NDST3: variants seen among roughly 807,000 people sequenced by gnomAD.
NDST3 encodes the protein N-deacetylase and N-sulfotransferase 3.
NDST3 carries 58 observed loss-of-function variants against 96.1 expected under a neutral mutation model. That is an observed-to-expected ratio of 0.60 (90% CI 0.49 to 0.75). NDST3 has a LOEUF of 0.75. Among genes scored for constraint, NDST3 ranks in the 30% least tolerant of loss-of-function variants. The pLI is 0.00. For missense variants in NDST3, 788 were observed against 1,034.2 expected (o/e 0.76, Z 3.27); for synonymous variants, 333 against 359.7 (o/e 0.93, Z 0.84).
At chr4:118,121,401 A>T (rs571790144) in intron 4 of NDST3, among the ~76,000 whole-genome samples, 1 of 152,206 alleles carries the variant, frequency 6.6e-6, no homozygotes, top group East Asian at 1.9e-4. Flanking sequence ...TATTTTAAGT[A>T]TCTTGAACTC....
chr4:118,100,843 C>T (rs543622309), intron 2 of NDST3, among the ~76,000 whole-genome samples: 3 of 152,268 alleles, frequency 2.0e-5, no homozygotes, highest in Admixed American at 2.0e-4. Flanking sequence ...CTCTAGTATA[C>T]TAAGTATATC....
chr4:118,075,592 A>C (rs1727459390), intron 2 of NDST3, among the ~76,000 whole-genome samples: 1 of 152,152 alleles, frequency 6.6e-6, no homozygotes, highest in African/African-American at 2.4e-5. Context: ...TTGCCCTTCT[A>C]AGTGGTGTGA....
At position 118,219,603 on chromosome 4, in the gene NDST3, T is replaced by C. The variant is rs147579999; in HGVS notation, c.1540-4888T>C. ...AAACCCTAGAAGAAAACCTAGGCAA[T>C]ACCACTCAGGACACAGGCATGAGCA... On this transcript the variant is annotated intron_variant, in intron 6 of 13. Transcript: ENST00000296499. 6.3e-4 allele frequency among the ~76,000 whole-genome samples: 96 copies of C among 152,130 alleles called. 1 individual carries two copies. The highest frequency in any genetic ancestry group is 5.0e-3 in the Admixed American group (77 of 15,270).
At chr4:118,141,471 G>A (rs993490950) in intron 5 of NDST3, among the ~76,000 whole-genome samples, 5 of 152,200 alleles carry the variant, frequency 3.3e-5, no homozygotes, top group African/African-American at 1.2e-4. Flanking sequence ...CTCAGCAGGA[G>A]TAGTGCTCCT....
chr4:118,078,248 T>C lies in NDST3; in HGVS notation c.981+23357T>C, dbSNP rs180926170. Among the ~76,000 whole-genome samples the C allele has an allele frequency of 1.5e-3, 233 of 152,252 alleles. 1 individual carries two copies. The highest frequency in any genetic ancestry group is 5.1e-3 in the African/African-American group (211 of 41,542). ...GCCTTGATGGATCCCAATGTGGTTT[T>C]TTAGGTGATCAGCTTGTAGGGTCAG... is the stretch of plus-strand genomic sequence containing the variant. On this transcript the variant is annotated intron_variant, in intron 2 of 13. Coordinates refer to ENST00000296499, the MANE Select transcript of NDST3 (RefSeq NM_004784.3).
At chr4:118,125,041 C>T (rs912105321) in intron 4 of NDST3, among the ~76,000 whole-genome samples, 1 of 151,980 alleles carries the variant, frequency 6.6e-6, no homozygotes, top group Non-Finnish European at 1.5e-5. Flanking sequence ...GTATTATTGG[C>T]CACATGATTG....
intron 2 of NDST3, among the ~76,000 whole-genome samples, chr4:118,072,914 T>C (rs890680713): frequency 1.3e-5 from 2 of 152,178 alleles, no homozygotes; most frequent in Non-Finnish European, 2.9e-5. Flanking sequence ...CAATGCCTAG[T>C]CTGTTGACGG....
intron 1 of NDST3, among the ~76,000 whole-genome samples, chr4:118,037,516 A>G (rs1228674954): frequency 6.6e-6 from 1 of 152,198 alleles, no homozygotes; most frequent in Non-Finnish European, 1.5e-5. Flanking sequence ...TTTAACCGTT[A>G]TACTACATTG....
Position 118,257,476 on chromosome 4 carries a change from T to C in NDST3, c.*1764T>C, listed in dbSNP as rs1468070467. ...ATGTACTGTACATATACATAAAATT[T>C]AAGTAGTAAATTAATTCCCTGCTAT... On this transcript the variant is annotated 3_prime_UTR_variant, in exon 14 of 14. Coordinates refer to ENST00000296499, the MANE Select transcript of NDST3 (RefSeq NM_004784.3). 6.6e-6 allele frequency: 1 copy of C among 152,144 alleles called. No individual in the cohort carries two copies. The highest frequency in any genetic ancestry group is 1.5e-5 in the Non-Finnish European group (1 of 68,010). 9.4% of individuals were successfully genotyped at this position (152,144 alleles called of 1,614,324 possible).
chr4:118,174,180 T>C (rs1224384484), intron 6 of NDST3, among the ~76,000 whole-genome samples: 1 of 152,248 alleles, frequency 6.6e-6, no homozygotes, highest in African/African-American at 2.4e-5. Context: ...CAGCTTCGTT[T>C]CCTGTGTAGG....
intron 1 of NDST3, among the ~76,000 whole-genome samples, chr4:118,042,596 A>G (rs889243005): frequency 1.3e-5 from 2 of 152,216 alleles, no homozygotes; most frequent in South Asian, 4.1e-4. Context: ...GTACTTCACA[A>G]TCACTTTCAA....
intron 11 of NDST3, among the ~76,000 whole-genome samples, chr4:118,241,205 T>C (rs1052419840): frequency 3.3e-5 from 5 of 152,236 alleles, no homozygotes; most frequent in African/African-American, 1.2e-4. Flanking sequence ...TCTAGAGCCA[T>C]GCTTTCCAGT....
At position 118,124,559 on chromosome 4, in the gene NDST3, C is replaced by T. The variant is rs1447778566; in HGVS notation, c.1224+9599C>T. On this transcript the variant is annotated intron_variant, in intron 4 of 13. Coordinates refer to ENST00000296499, the MANE Select transcript of NDST3 (RefSeq NM_004784.3). ...ATGAAGAGAAGCACTGAGATTGAGCCGGGGACTCAAATCTGTGTTCTCCTA... is the reference window on the plus strand; with the variant it reads ...ATGAAGAGAAGCACTGAGATTGAGCTGGGGACTCAAATCTGTGTTCTCCTA... Among the ~76,000 whole-genome samples the T allele has an allele frequency of 3.3e-5, 5 of 151,922 alleles. No individual in the cohort carries two copies. In the East Asian group the frequency reaches 5.8e-4, roughly 18 times the overall value.
intron 1 of NDST3, among the ~76,000 whole-genome samples, chr4:118,048,282 C>T (rs531481930): frequency 1.6e-4 from 24 of 152,188 alleles, no homozygotes; most frequent in Non-Finnish European, 2.9e-4. Flanking sequence ...CACACTTAAG[C>T]ACACAGCCTG....
intron 6 of NDST3, among the ~76,000 whole-genome samples, chr4:118,198,430 A>C (rs1737842949): frequency 1.3e-5 from 2 of 152,218 alleles, no homozygotes; most frequent in African/African-American, 4.8e-5. Flanking sequence ...CAAACTAACA[A>C]AAAGAAAATT....
At chr4:118,065,693 T>C (rs1221441476) in intron 2 of NDST3, among the ~76,000 whole-genome samples, 6 of 151,954 alleles carry the variant, frequency 3.9e-5, no homozygotes, top group Non-Finnish European at 5.9e-5. Context: ...TGTTTCTGCA[T>C]CCACCTCAGT....
In NDST3 at chr4:118,157,795, T is replaced by C. The variant is rs1379569944; in HGVS notation, c.1539+14111T>C. Among the ~76,000 whole-genome samples the C allele has an allele frequency of 3.3e-5, 5 of 152,222 alleles. No individual in the cohort carries two copies. The East Asian group carries it at 9.7e-4, about 29-fold the overall frequency. On this transcript the variant is annotated intron_variant, in intron 6 of 13. Transcript: ENST00000296499. ...ATAAATGAAAAGGATGAGGGAGAGA[T>C]AAGCAAACCTGAAAATTGAAGACAA...
At chr4:118,194,373 A>AGT (rs1737524518) in intron 6 of NDST3, 1 of 728,642 alleles carries the variant, frequency 1.4e-6, no homozygotes, top group Non-Finnish European at 2.6e-6. Context: ...CTCAAACACG[A>AGT]GTGTGGCATT....
intron 10 of NDST3, among the ~76,000 whole-genome samples, chr4:118,238,737 C>G (rs1740839921): frequency 6.6e-6 from 1 of 152,140 alleles, no homozygotes; most frequent in Non-Finnish European, 1.5e-5. Flanking sequence ...TATGTATAAA[C>G]AAGCATATAA....
Sources: allele counts gnomAD v4.1 joint callset (sites outside exome capture counted in the v4.1 genomes callset), GRCh38; gene constraint gnomAD v4.1.1; transcripts MANE v1.5; gene names NCBI Gene and HGNC (gene_info 2026-07-23, HGNC 2026-07-21).